PRLR: variants seen among roughly 807,000 people sequenced by gnomAD.
PRLR encodes prolactin receptor.
Under a neutral mutation model 40.2 loss-of-function variants are expected in PRLR, and 13 were observed. The observed-to-expected ratio is 0.32, with a 90% CI of 0.21 to 0.51. The LOEUF (loss-of-function observed/expected upper bound fraction) is 0.51, where lower values mean the gene tolerates loss of function less well. PRLR is among the 20% of genes least tolerant of loss of function. The pLI is 0.97. For synonymous variants in PRLR, 269 were observed against 278.7 expected (o/e 0.97, Z 0.35); for missense variants, 656 against 747.3 (o/e 0.88, Z 1.42).
chr5:35,172,729 T>G (rs1775038131), intron 1 of PRLR, among the ~76,000 whole-genome samples: 1 of 152,228 alleles, frequency 6.6e-6, no homozygotes, highest in South Asian at 2.1e-4. Flanking sequence ...ATGAGCTCCC[T>G]GTCCTCCCAC....
At chr5:35,206,350 T>G (rs1376982837) in intron 1 of PRLR, among the ~76,000 whole-genome samples, 1 of 152,032 alleles carries the variant, frequency 6.6e-6, no homozygotes, top group Non-Finnish European at 1.5e-5. Flanking sequence ...AAATGAGAAA[T>G]TTATGGTATA....
intron 2 of PRLR, among the ~76,000 whole-genome samples, chr5:35,103,774 G>C (rs1772044994): frequency 6.6e-6 from 1 of 152,178 alleles, no homozygotes; most frequent in African/African-American, 2.4e-5. Context: ...ATTTGGAAGG[G>C]AAGTTTGATG....
intron 2 of PRLR, among the ~76,000 whole-genome samples, chr5:35,095,652 G>C (rs1192790770): frequency 6.6e-6 from 1 of 152,198 alleles, no homozygotes; most frequent in Non-Finnish European, 1.5e-5. Flanking sequence ...CTATGCATTT[G>C]TCTGTGAAAG....
chr5:35,137,861 G>A (rs1773907124), intron 1 of PRLR, among the ~76,000 whole-genome samples: 1 of 152,282 alleles, frequency 6.6e-6, no homozygotes, highest in South Asian at 2.1e-4. Flanking sequence ...CTTGAACCCG[G>A]GAAGCAGAGG....
intron 5 of PRLR, among the ~76,000 whole-genome samples, chr5:35,074,540 G>A (rs887739786): frequency 5.8e-5 from 8 of 138,620 alleles, no homozygotes; most frequent in East Asian, 2.0e-4. Flanking sequence ...ATATCCAGAC[G>A]AGGCAAACTC....
chr5:35,118,923 T>C (rs768127422), intron 1 of PRLR, among the ~76,000 whole-genome samples: 1 of 152,034 alleles, frequency 6.6e-6, no homozygotes, highest in Non-Finnish European at 1.5e-5. Flanking sequence ...CTGCCCCAAG[T>C]AGCTGGGACT....
At chr5:35,176,953 G>C (rs1775165515) in intron 1 of PRLR, among the ~76,000 whole-genome samples, 1 of 152,212 alleles carries the variant, frequency 6.6e-6, no homozygotes. Context: ...ACTGAGATAG[G>C]GAAAAACTGC....
At chr5:35,136,951 A>AAAAAGG (rs976684433) in intron 1 of PRLR, among the ~76,000 whole-genome samples, 14 of 108,324 alleles carry the variant, frequency 1.3e-4, no homozygotes, top group African/African-American at 4.6e-4. Flanking sequence ...AAAGAAAAAG[A>AAAAAGG]AAAAAAAAAA....
intron 1 of PRLR, among the ~76,000 whole-genome samples, chr5:35,132,495 T>G (rs1388434455): frequency 2.0e-5 from 3 of 152,278 alleles, no homozygotes; most frequent in Non-Finnish European, 4.4e-5. Flanking sequence ...TATTCTTATG[T>G]AACCCGTGTT....
intron 1 of PRLR, among the ~76,000 whole-genome samples, chr5:35,222,206 G>A (rs1776441167): frequency 6.6e-6 from 1 of 152,124 alleles, no homozygotes; most frequent in African/African-American, 2.4e-5. Flanking sequence ...GGGAGGCTGA[G>A]GCAGGAGACT....
At chr5:35,222,006 T>C (rs1776434512) in intron 1 of PRLR, among the ~76,000 whole-genome samples, 1 of 152,178 alleles carries the variant, frequency 6.6e-6, no homozygotes. Flanking sequence ...TAAAGGATTC[T>C]TTAAAATGTA....
At position 35,065,202 on chromosome 5, in the gene PRLR, T is replaced by A. The variant is rs1457254924; in HGVS notation, c.1756A>T (p.Asn586Tyr). ...AKEAPPSLEQ[N>Y]QAEKALANFT... The stretch of plus-strand genomic sequence containing the variant: ...TTGGCCAGGGCTTTCTCAGCTTGAT[T>A]CTGTTCAAGTGATGGTGGGGCCTCT... The change falls in exon 10 of 10, where the codon AAT becomes TAT. Residue 586 changes from asparagine to tyrosine, a missense_variant. Transcript: ENST00000618457. The A allele has an allele frequency of 6.2e-7, 1 of 1,614,070 alleles. No homozygotes were observed. The highest frequency in any genetic ancestry group is 8.5e-7 in the Non-Finnish European group (1 of 1,180,030).
intron 1 of PRLR, among the ~76,000 whole-genome samples, chr5:35,188,394 T>C (rs1775506849): frequency 6.6e-6 from 1 of 152,240 alleles, no homozygotes; most frequent in Non-Finnish European, 1.5e-5. Flanking sequence ...CGTTGCACAT[T>C]CTCTAAGAAG....
At chr5:35,113,966 T>C (rs982057144) in intron 2 of PRLR, among the ~76,000 whole-genome samples, 1 of 152,202 alleles carries the variant, frequency 6.6e-6, no homozygotes, top group African/African-American at 2.4e-5. Context: ...ATCAGGCATC[T>C]AGCCCCAGGG....
At chr5:35,227,212 C>T (rs1776575514) in intron 1 of PRLR, among the ~76,000 whole-genome samples, 2 of 152,220 alleles carry the variant, frequency 1.3e-5, no homozygotes, top group African/African-American at 4.8e-5. Flanking sequence ...GTTCACACCA[C>T]TTAAAAGCAC....
chr5:35,077,416 G>A (rs1257104144), intron 5 of PRLR, among the ~76,000 whole-genome samples: 2 of 152,074 alleles, frequency 1.3e-5, no homozygotes, highest in Admixed American at 6.6e-5. Flanking sequence ...ACTCTCTGAG[G>A]AAACAGACTT....
In PRLR at chr5:35,197,617, T is replaced by C. The variant is rs568523248; in HGVS notation, c.-106+32651A>G. The stretch of plus-strand genomic sequence containing the variant: ...TCAGTCCTTGAGGCTGATATAGTAA[T>C]TGATGGACCTACAGGCCTAAGTTTG... On this transcript the variant is annotated intron_variant, in intron 1 of 9. Coordinates refer to ENST00000618457, the MANE Select transcript of PRLR (RefSeq NM_000949.7). Among the ~76,000 whole-genome samples, 4 of 152,334 alleles carry C rather than the reference T, an allele frequency of 2.6e-5. No homozygotes were observed. The East Asian group carries it at 7.7e-4, about 29-fold the overall frequency.
At chr5:35,133,993 A>G (rs1773770529) in intron 1 of PRLR, among the ~76,000 whole-genome samples, 1 of 152,200 alleles carries the variant, frequency 6.6e-6, no homozygotes, top group Non-Finnish European at 1.5e-5. Context: ...ATGAGGATGC[A>G]AAGGCATAAG....
intron 1 of PRLR, among the ~76,000 whole-genome samples, chr5:35,216,577 G>A (rs1776293922): frequency 6.6e-6 from 1 of 152,140 alleles, no homozygotes; most frequent in Non-Finnish European, 1.5e-5. Flanking sequence ...CATACAAGTG[G>A]TCATTAGTGT....
Sources: allele counts gnomAD v4.1 joint callset (sites outside exome capture counted in the v4.1 genomes callset), GRCh38; gene constraint gnomAD v4.1.1; transcripts MANE v1.5; gene names NCBI Gene and HGNC (gene_info 2026-07-23, HGNC 2026-07-21).